The following BTNL8 variants were observed in gnomAD, a reference collection of about 807,000 sequenced individuals.
The protein encoded by BTNL8 is butyrophilin like 8.
In BTNL8, 22 loss-of-function variants were observed where a neutral mutation model predicts 36.1. The ratio of observed to expected loss-of-function variants is 0.61; its 90% CI spans 0.44 to 0.87. The LOEUF is 0.87. Ranked by LOEUF, BTNL8 falls within the 40% of genes least tolerant of loss-of-function variation. The pLI, the probability that BTNL8 is intolerant of heterozygous loss-of-function variation, is 0.00. For synonymous variants in BTNL8, 203 were observed against 235.6 expected, an observed-to-expected ratio of 0.86 and a Z score of 1.27; for missense variants, 526 against 616.9, an observed-to-expected ratio of 0.85 and a Z score of 1.56.
intron 1 of BTNL8, among the ~76,000 whole-genome samples, chr5:180,906,158 A>C (rs1463815880): frequency 6.8e-6 from 1 of 146,520 alleles, no homozygotes; most frequent in Non-Finnish European, 1.5e-5. Context: ...TGGGAGTCTA[A>C]GTCTCTTTGT....
In BTNL8 at chr5:180,912,648, G is replaced by A. The variant is rs148608719; in HGVS notation, c.673+1034G>A. Among the ~76,000 whole-genome samples, 1,450 of 152,190 alleles carry A rather than the reference G, an allele frequency of 9.5e-3. 15 individuals are homozygous for A. Among genetic ancestry groups the A allele is most frequent in the Non-Finnish European group, 0.014 (935 of 68,006 alleles). ...GGAGGCTGAGGTGGGAGGATCACTT[G>A]AGCCTAGGAGTTTGAGGCCAGCCTA... On this transcript the variant is annotated intron_variant, in intron 3 of 7. Transcript: ENST00000340184.
chr5:180,916,989 A>G (rs889382706), intron 3 of BTNL8, among the ~76,000 whole-genome samples: 92 of 143,506 alleles, frequency 6.4e-4, no homozygotes, highest in East Asian at 1.9e-3. Context: ...CCAACAAACC[A>G]GATAACCTAG....
intron 1 of BTNL8, among the ~76,000 whole-genome samples, chr5:180,901,483 AT>A: frequency 6.6e-6 from 1 of 152,314 alleles, no homozygotes; most frequent in South Asian, 2.1e-4. Flanking sequence ...TACTCAAATG[AT>A]TGTTAAACAG....
Position 180,925,310 on chromosome 5 carries a change from A to G in BTNL8, c.673+13696A>G, listed in dbSNP as rs561354045. On this transcript the variant is annotated intron_variant, in intron 3 of 7. Coordinates refer to ENST00000340184, the MANE Select transcript of BTNL8 (RefSeq NM_001040462.3). ...TCCAGGTTCAGGAAGCTTGGATGTC[A>G]TCAATCAAATTCAACCCAAAGAGGA... 2.6e-5 allele frequency among the ~76,000 whole-genome samples: 4 copies of G among 152,334 alleles called. No individual in the cohort carries two copies. In the South Asian group the frequency reaches 8.3e-4, roughly 32 times the overall value.
chr5:180,921,460 C>T (rs1757855339), intron 3 of BTNL8, among the ~76,000 whole-genome samples: 1 of 151,846 alleles, frequency 6.6e-6, no homozygotes, highest in South Asian at 2.1e-4. Flanking sequence ...GTCATAGAAT[C>T]ATAGAGCATA....
At chr5:180,938,475 C>T (rs1561943844) in intron 3 of BTNL8, among the ~76,000 whole-genome samples, 2 of 151,726 alleles carry the variant, frequency 1.3e-5, no homozygotes, top group African/African-American at 2.4e-5. Context: ...ATGCTACGTA[C>T]AAGAGAATTC....
At position 180,899,231 on chromosome 5, in the gene BTNL8, T is replaced by C; in HGVS notation, c.-80T>C. On this transcript the variant is annotated 5_prime_UTR_variant, in exon 1 of 8. Coordinates refer to ENST00000340184, the MANE Select transcript of BTNL8 (RefSeq NM_001040462.3). ...TCCGCACCTTGAGCATTAGGCCAGT[T>C]CTCCTCTTCTCTCTAATCCATCCGT... The C allele has an allele frequency of 3.9e-6, 6 of 1,548,340 alleles. No individual in the cohort carries two copies. The highest frequency in any genetic ancestry group is 5.4e-6 in the Non-Finnish European group (6 of 1,121,316).
intron 3 of BTNL8, among the ~76,000 whole-genome samples, chr5:180,941,208 A>G (rs1440345381): frequency 6.6e-6 from 1 of 152,186 alleles, no homozygotes. Context: ...AAAGAAGTAG[A>G]TAAACTCATA....
intron 3 of BTNL8, among the ~76,000 whole-genome samples, chr5:180,945,272 T>C (rs188728766): frequency 2.0e-5 from 3 of 152,334 alleles, no homozygotes; most frequent in Admixed American, 2.0e-4. Context: ...CATGCACATG[T>C]GTGAAATTGA....
intron 2 of BTNL8, chr5:180,909,916 G>C (rs1327806240): frequency 6.6e-6 from 1 of 152,030 alleles, no homozygotes; most frequent in African/African-American, 2.4e-5. Context: ...TGCTAAATTT[G>C]ACTAACTTAA....
intron 3 of BTNL8, among the ~76,000 whole-genome samples, chr5:180,920,599 A>C (rs1757819563): frequency 6.6e-6 from 1 of 152,148 alleles, no homozygotes; most frequent in Non-Finnish European, 1.5e-5. Flanking sequence ...AAGTAAGATT[A>C]CATCAAACTA....
intron 1 of BTNL8, chr5:180,902,475 A>C: frequency 6.9e-7 from 1 of 1,445,580 alleles, no homozygotes; most frequent in Non-Finnish European, 9.5e-7. Context: ...GCACATCTCC[A>C]GCCCAGCCCA....
chr5:180,946,065 G>A (rs1759226271), intron 3 of BTNL8, among the ~76,000 whole-genome samples: 1 of 152,110 alleles, frequency 6.6e-6, no homozygotes, highest in South Asian at 2.1e-4. Context: ...AATCATTGTG[G>A]AAACGCAAAT....
chr5:180,945,987 TAATAAATAAATA>T lies in BTNL8; in HGVS notation c.674-1505_674-1494del, dbSNP rs79795340. ...AGCTCTTTGTACATAAAATAAACATTAATAAATAAATAAATAAATAAATAAATAAATGGACAA... is the reference window on the plus strand; with the variant it reads ...AGCTCTTTGTACATAAAATAAACATTAATAAATAAATAAATAAATGGACAA... On this transcript the variant is annotated intron_variant, in intron 3 of 7. Transcript: ENST00000340184. The T allele has an allele frequency of 1.1e-3, 178 of 159,824 alleles. 1 individual carries two copies. Among genetic ancestry groups the T allele is most frequent in the Middle Eastern group, 9.8e-3 (3 of 306 alleles). The allele number at this position is 159,824 out of a possible 1,614,324, so 9.9% of individuals were successfully genotyped here.
chr5:180,911,553 A>G lies in BTNL8; in HGVS notation c.612A>G (p.Ile204Met), dbSNP rs1757400228. The change falls in exon 3 of 8, where the codon ATA (isoleucine) becomes ATG (methionine). Residue 204 changes from isoleucine to methionine, a missense_variant. Coordinates refer to ENST00000340184, the MANE Select transcript of BTNL8 (RefSeq NM_001040462.3). ...SLTVQENAGS[I>M]SCSMRHAHLS... ...CCGTCCAAGAGAACGCCGGGAGCAT[A>G]TCCTGTTCCATGCGGCATGCTCATC... 6.2e-7 allele frequency: 1 copy of G among 1,614,074 alleles called. No homozygotes were observed. The highest frequency in any genetic ancestry group is 8.5e-7 in the Non-Finnish European group (1 of 1,180,026).
chr5:180,936,701 C>T (rs1015497596), intron 3 of BTNL8, among the ~76,000 whole-genome samples: 4 of 152,290 alleles, frequency 2.6e-5, no homozygotes, highest in Admixed American at 1.3e-4. Context: ...GAATTGTGGA[C>T]GAACACAGCT....
chr5:180,934,310 A>G (rs1334594424), intron 3 of BTNL8, among the ~76,000 whole-genome samples: 1 of 152,242 alleles, frequency 6.6e-6, no homozygotes, highest in Non-Finnish European at 1.5e-5. Context: ...TAAAAGCCAT[A>G]TATGACAACC....
At chr5:180,920,657 CAT>C (rs1757823133) in intron 3 of BTNL8, among the ~76,000 whole-genome samples, 1 of 151,980 alleles carries the variant, frequency 6.6e-6, no homozygotes, top group South Asian at 2.1e-4. Flanking sequence ...TAAAAAGCAA[CAT>C]GTGGAATGGG....
chr5:180,934,139 T>G (rs1227077105), intron 3 of BTNL8, among the ~76,000 whole-genome samples: 1 of 152,200 alleles, frequency 6.6e-6, no homozygotes, highest in Non-Finnish European at 1.5e-5. Flanking sequence ...TGGTTCAATA[T>G]ATACAAATAT....
Sources: allele counts gnomAD v4.1 joint callset (sites outside exome capture counted in the v4.1 genomes callset), GRCh38; gene constraint gnomAD v4.1.1; transcripts MANE v1.5; gene names NCBI Gene and HGNC (gene_info 2026-07-23, HGNC 2026-07-21).